The following RPL26L1 variants were observed in gnomAD, a reference collection of about 807,000 sequenced individuals.
RPL26L1 encodes ribosomal protein L26 like 1.
In RPL26L1, 8 loss-of-function variants were observed where a neutral mutation model predicts 15.2. The observed-to-expected ratio is 0.53, with a 90% CI of 0.31 to 0.95. The LOEUF is 0.95. Among genes scored for constraint, RPL26L1 ranks in the 40% least tolerant of loss-of-function variants. The pLI is 0.05. For synonymous variants in RPL26L1, 51 were observed against 65.9 expected (o/e 0.77, Z 1.09); for missense variants, 146 against 190.9 (o/e 0.76, Z 1.39).
chr5:172,961,463 A>G (rs1755232555), intron 2 of RPL26L1, among the ~76,000 whole-genome samples: 1 of 152,196 alleles, frequency 6.6e-6, no homozygotes, highest in African/African-American at 2.4e-5. Context: ...ATTTTCAAAG[A>G]GAGCTGGAAA....
intron 2 of RPL26L1, among the ~76,000 whole-genome samples, chr5:172,966,362 A>G (rs936430697): frequency 2.5e-4 from 24 of 95,014 alleles, no homozygotes; most frequent in Admixed American, 8.7e-4. Context: ...GGGTCTTGCT[A>G]TGTTGCCTCG....
chr5:172,966,010 C>T (rs1162966982), intron 2 of RPL26L1, among the ~76,000 whole-genome samples: 1 of 152,252 alleles, frequency 6.6e-6, no homozygotes, highest in African/African-American at 2.4e-5. Flanking sequence ...CTCTGAGTAT[C>T]ATCCTTCCCT....
intron 2 of RPL26L1, among the ~76,000 whole-genome samples, chr5:172,967,744 ATG>A (rs767578469): frequency 2.6e-5 from 4 of 151,628 alleles, no homozygotes; most frequent in East Asian, 1.9e-4. Flanking sequence ...TATATATGAA[ATG>A]TGTGTGTATA....
intron 2 of RPL26L1, among the ~76,000 whole-genome samples, chr5:172,961,014 A>T (rs1017696123): frequency 1.3e-5 from 2 of 152,012 alleles, no homozygotes; most frequent in Admixed American, 1.3e-4. Flanking sequence ...CACAGTTGTG[A>T]CAAGCAAAAA....
In RPL26L1 at chr5:172,966,856, C is replaced by T. The variant is rs1398850849; in HGVS notation, c.169-1603C>T. Among the ~76,000 whole-genome samples, 8 of 151,044 alleles carry T rather than the reference C, an allele frequency of 5.3e-5. 1 individual carries two copies. ...CTTATTAATCAGAGTCACATCGTAC[C>T]TGGTGGTTTTTTTTTTTTGAGGCGG... On this transcript the variant is annotated intron_variant, in intron 2 of 3. Coordinates refer to ENST00000265100, the MANE Select transcript of RPL26L1 (RefSeq NM_016093.4).
chr5:172,966,862 G>GT (rs987687207), intron 2 of RPL26L1, among the ~76,000 whole-genome samples: 2,526 of 144,488 alleles, frequency 0.017, 26 homozygotes, highest in African/African-American at 0.036. Context: ...GTACCTGGTG[G>GT]TTTTTTTTTT....
chr5:172,967,057 T>C (rs1755486056), intron 2 of RPL26L1, among the ~76,000 whole-genome samples: 1 of 151,800 alleles, frequency 6.6e-6, no homozygotes, highest in African/African-American at 2.4e-5. Flanking sequence ...GGTTTCACCA[T>C]GTTGGCCTGG....
chr5:172,955,172 A>G (rs145773750), upstream of RPL26L1: 3,519 of 332,972 alleles, frequency 0.011, 29 homozygotes, highest in South Asian at 0.017. Flanking sequence ...GTCATTGCCC[A>G]GGCTGGAGTG....
rs1335248048 is a variant in RPL26L1, at chr5:172,968,524, T to C, written c.234T>C (p.Tyr78=). The C allele has an allele frequency of 6.2e-6, 10 of 1,614,152 alleles. No homozygotes were observed. Among genetic ancestry groups the C allele is most frequent in the South Asian group, 1.1e-5 (1 of 91,086 alleles). ...TAGTCCAGGTGTACAGAAAGAAATA[T>C]GTCATCTACATCGAGCGGGTGCAGC... The part of the protein sequence containing the change: ...GKVVQVYRKK[Y]VIYIERVQRE... The change falls in exon 3 of 4, where the codon TAT becomes TAC. Residue 78 remains tyrosine, a synonymous_variant. Transcript: ENST00000265100.
intron 2 of RPL26L1, among the ~76,000 whole-genome samples, chr5:172,960,540 T>C (rs887010421): frequency 6.6e-6 from 1 of 151,936 alleles, no homozygotes; most frequent in Non-Finnish European, 1.5e-5. Context: ...TGTATTTGGG[T>C]GTAGTGGGAT....
intron 2 of RPL26L1, among the ~76,000 whole-genome samples, chr5:172,967,835 CAT>C (rs3860766): frequency 0.062 from 9,426 of 151,110 alleles, 329 homozygotes; most frequent in South Asian, 0.11. Context: ...GTATGTATGA[CAT>C]ATATGTATGT....
At chr5:172,959,353 G>A (rs947365765), upstream of RPL26L1, 1 of 1,001,452 alleles carries the variant, frequency 1.0e-6, no homozygotes. Context: ...GCCGCTGGGG[G>A]CGCCATTCGA....
At chr5:172,959,415 C>G (rs546899509), upstream of RPL26L1, 1 of 1,004,230 alleles carries the variant, frequency 1.0e-6, no homozygotes, top group East Asian at 9.7e-5. Flanking sequence ...TTGCGCGGCA[C>G]GGAAACTCAC....
chr5:172,959,671 T>G, intron 1 of RPL26L1, 194 bp from the exon 2 acceptor site: 1 of 1,097,106 alleles, frequency 9.1e-7, no homozygotes, highest in Non-Finnish European at 1.3e-6. Context: ...TAGACGGGCA[T>G]GCGACCTCCA....
At chr5:172,963,943 A>G (rs1359895712) in intron 2 of RPL26L1, among the ~76,000 whole-genome samples, 1 of 152,130 alleles carries the variant, frequency 6.6e-6, no homozygotes, top group Non-Finnish European at 1.5e-5. Flanking sequence ...ATGAAACCAG[A>G]GAGTTCATCT....
chr5:172,959,338 C>T, upstream of RPL26L1: 1 of 1,002,462 alleles, frequency 1.0e-6, no homozygotes, highest in South Asian at 4.1e-5. Context: ...GAGATCCCAC[C>T]CCAAGCCGCT....
intron 2 of RPL26L1, among the ~76,000 whole-genome samples, chr5:172,966,487 G>A (rs894424406): frequency 6.6e-6 from 1 of 152,076 alleles, no homozygotes; most frequent in Non-Finnish European, 1.5e-5. Flanking sequence ...GTCTTGGCCA[G>A]GTGCAGTGGC....
intron 2 of RPL26L1, among the ~76,000 whole-genome samples, chr5:172,962,815 CAA>C (rs56210758): frequency 2.4e-3 from 148 of 61,900 alleles, no homozygotes; most frequent in Middle Eastern, 0.01. Flanking sequence ...GGCTCTGTCT[CAA>C]AAAAAAAAAA....
chr5:172,965,989 C>T (rs1755434706), intron 2 of RPL26L1, among the ~76,000 whole-genome samples: 1 of 152,200 alleles, frequency 6.6e-6, no homozygotes, highest in South Asian at 2.1e-4. Context: ...CACCTGGTTG[C>T]CCAAGCCAGA....
Sources: gnomAD v4.1 joint callset for allele counts (sites outside exome capture counted in the v4.1 genomes callset) on GRCh38, gnomAD v4.1.1 for gene constraint, MANE v1.5 for transcripts, NCBI Gene and HGNC (gene_info 2026-07-23, HGNC 2026-07-21) for gene names.